The following PEBP4 variants were observed in gnomAD, a reference collection of about 807,000 sequenced individuals.
PEBP4 encodes phosphatidylethanolamine-binding protein 4.
Under a neutral mutation model 23.9 loss-of-function variants are expected in PEBP4, and 22 were observed. The observed-to-expected ratio is 0.92, with a 90% CI of 0.66 to 1.31. PEBP4 has a LOEUF of 1.31. PEBP4 is among the 40% of genes most tolerant of loss of function. The probability of loss-of-function intolerance (pLI) is 0.00; values close to 1 mark genes in which losing one functional copy is unlikely to be tolerated. For synonymous variants in PEBP4, 112 were observed against 99.3 expected (o/e 1.13, Z -0.76); for missense variants, 324 against 281.7 (o/e 1.15, Z -1.07).
chr8:22,886,393 G>T (rs1202833759), intron 3 of PEBP4: 3 of 152,192 alleles, frequency 2.0e-5, no homozygotes, highest in African/African-American at 7.2e-5. Flanking sequence ...AGCAGCTGTG[G>T]GACCTTGAAG....
intron 3 of PEBP4, among the ~76,000 whole-genome samples, chr8:22,914,117 A>T (rs551121820): frequency 6.6e-6 from 1 of 151,042 alleles, no homozygotes; most frequent in Non-Finnish European, 1.5e-5. Flanking sequence ...CCTCCCAAGT[A>T]CCTGGGATTA....
chr8:22,749,577 A>G (rs957051990), intron 4 of PEBP4, among the ~76,000 whole-genome samples: 1 of 152,126 alleles, frequency 6.6e-6, no homozygotes, highest in Non-Finnish European at 1.5e-5. Context: ...GTCTGAACAG[A>G]GCATTTCCTT....
intron 3 of PEBP4, among the ~76,000 whole-genome samples, chr8:22,821,845 C>T (rs890342539): frequency 2.0e-5 from 3 of 151,896 alleles, no homozygotes; most frequent in South Asian, 2.1e-4. Context: ...ATTAGCTGGG[C>T]GTGGTGGCGG....
intron 3 of PEBP4, among the ~76,000 whole-genome samples, chr8:22,864,987 C>CGGGCAGCACGAGG (rs1306404859): frequency 2.0e-5 from 3 of 152,048 alleles, no homozygotes; most frequent in Admixed American, 6.5e-5. Context: ...GAGTGCGGGG[C>CGGGCAGCACGAGG]GGGCAGCACG....
chr8:22,895,543 G>T (rs918667103), intron 3 of PEBP4: 10 of 152,096 alleles, frequency 6.6e-5, no homozygotes, highest in African/African-American at 9.7e-5. Context: ...TCTGATTAAG[G>T]TTCTCTGAGT....
chr8:22,753,200 A>G (rs2128752011), intron 4 of PEBP4, among the ~76,000 whole-genome samples: 1 of 152,284 alleles, frequency 6.6e-6, no homozygotes, highest in South Asian at 2.1e-4. Flanking sequence ...GCCTTTAAGG[A>G]GTGTTCATTC....
chr8:22,844,227 G>A (rs973484751), intron 3 of PEBP4, among the ~76,000 whole-genome samples: 1 of 152,112 alleles, frequency 6.6e-6, no homozygotes, highest in Non-Finnish European at 1.5e-5. Context: ...GGCTGTACCC[G>A]GTTAGAAAAT....
intron 6 of PEBP4, among the ~76,000 whole-genome samples, chr8:22,717,105 T>G (rs13282968): frequency 0.4 from 60,997 of 151,934 alleles, 13,105 homozygotes; most frequent in African/African-American, 0.55. Flanking sequence ...CACTATCACC[T>G]CTCATTACAG....
At chr8:22,772,576 G>A (rs1019677908) in intron 4 of PEBP4, among the ~76,000 whole-genome samples, 2 of 150,288 alleles carry the variant, frequency 1.3e-5, no homozygotes, top group Non-Finnish European at 3.0e-5. Flanking sequence ...GCTCATTGCG[G>A]CATCCAACTC....
At chr8:22,854,846 G>C (rs1807607227) in intron 3 of PEBP4, among the ~76,000 whole-genome samples, 3 of 151,804 alleles carry the variant, frequency 2.0e-5, no homozygotes, top group Admixed American at 1.3e-4. Flanking sequence ...GGTTTTATTT[G>C]CTCCCTCCCC....
intron 6 of PEBP4, among the ~76,000 whole-genome samples, chr8:22,722,348 G>A (rs1474828590): frequency 6.6e-6 from 1 of 152,172 alleles, no homozygotes; most frequent in East Asian, 1.9e-4. Context: ...TTATTTTCTA[G>A]ATTAGGAAAC....
chr8:22,810,959 T>C (rs780607153), intron 4 of PEBP4, among the ~76,000 whole-genome samples: 2 of 151,430 alleles, frequency 1.3e-5, no homozygotes, highest in Non-Finnish European at 2.9e-5. Context: ...TCACCCCACC[T>C]AGTCAGCCTC....
chr8:22,851,948 C>T (rs1028712741), intron 3 of PEBP4, among the ~76,000 whole-genome samples: 13 of 152,088 alleles, frequency 8.5e-5, no homozygotes, highest in South Asian at 8.3e-4. Flanking sequence ...AGCTGAGCCA[C>T]GGGCCAGCTG....
chr8:22,755,446 C>T (rs1258536573), intron 4 of PEBP4, among the ~76,000 whole-genome samples: 1 of 150,248 alleles, frequency 6.7e-6, no homozygotes. Context: ...AGCGTTTCTC[C>T]TGCCTCAGCC....
At chr8:22,917,092 T>G (rs1809092274) in intron 3 of PEBP4, among the ~76,000 whole-genome samples, 1 of 133,686 alleles carries the variant, frequency 7.5e-6, no homozygotes, top group Admixed American at 7.8e-5. Flanking sequence ...GCTGCACCCC[T>G]CTTTCCAGGG....
At chr8:22,770,291 T>C (rs1212424491) in intron 4 of PEBP4, among the ~76,000 whole-genome samples, 2 of 152,214 alleles carry the variant, frequency 1.3e-5, no homozygotes, top group Admixed American at 6.5e-5. Flanking sequence ...TGAAACCTGC[T>C]CTCTGCCATA....
chr8:22,900,676 C>A (rs1214333586), intron 3 of PEBP4, among the ~76,000 whole-genome samples: 1 of 150,294 alleles, frequency 6.7e-6, no homozygotes, highest in Non-Finnish European at 1.5e-5. Flanking sequence ...AAAAAGATAT[C>A]TTATTTCCTT....
rs543504479 is a variant in PEBP4 at position 22,937,882 on chromosome 8, A to T, written c.145-10162T>A. On this transcript the variant is annotated intron_variant, in intron 1 of 1. Transcript: ENST00000522278. The stretch of plus-strand genomic sequence containing the variant: ...GATTCTGGGACAAGTGGATAGCCAC[A>T]TGCAAAAGAATGAAGGTGGATCCTT... Among the ~76,000 whole-genome samples, 4 of 152,318 alleles carry T rather than the reference A, an allele frequency of 2.6e-5. No homozygotes were observed. The East Asian group carries it at 7.7e-4, about 29-fold the overall frequency.
chr8:22,937,088 C>A (rs1809551312), intron 1 of PEBP4, among the ~76,000 whole-genome samples: 1 of 152,146 alleles, frequency 6.6e-6, no homozygotes, highest in Non-Finnish European at 1.5e-5. Flanking sequence ...ATAGAAAGTT[C>A]TAGCCAGAGC....
Sources: allele counts gnomAD v4.1 joint callset (sites outside exome capture counted in the v4.1 genomes callset), GRCh38; gene constraint gnomAD v4.1.1; transcripts MANE v1.5; gene names NCBI Gene and HGNC (gene_info 2026-07-23, HGNC 2026-07-21).